SDK1: variants seen among roughly 807,000 people sequenced by gnomAD.
SDK1 encodes the protein protein sidekick-1.
In SDK1, 157 loss-of-function variants were observed where a neutral mutation model predicts 245.5. That is an observed-to-expected ratio of 0.64 (90% CI 0.56 to 0.73). The LOEUF (loss-of-function observed/expected upper bound fraction) is 0.73. Ranked by LOEUF, SDK1 falls within the 30% of genes least tolerant of loss-of-function variation. The pLI is 0.00. For synonymous variants in SDK1, 1,647 were observed against 1,278.5 expected, an observed-to-expected ratio of 1.29 and a Z score of -6.15; for missense variants, 3,583 against 3,002.3, an observed-to-expected ratio of 1.19 and a Z score of -4.52.
intron 4 of SDK1, among the ~76,000 whole-genome samples, chr7:3,790,819 A>C (rs1781058691): frequency 6.6e-6 from 1 of 152,028 alleles, no homozygotes; most frequent in African/African-American, 2.4e-5. Flanking sequence ...CACAAAACCA[A>C]GTCTGGTAGT....
At chr7:3,791,354 G>A (rs546457574) in intron 4 of SDK1, among the ~76,000 whole-genome samples, 1 of 152,094 alleles carries the variant, frequency 6.6e-6, no homozygotes, top group East Asian at 1.9e-4. Context: ...TTTAGGTATC[G>A]GGGCTCCGTA....
At chr7:3,519,208 A>G (rs1782848669) in intron 1 of SDK1, among the ~76,000 whole-genome samples, 1 of 152,156 alleles carries the variant, frequency 6.6e-6, no homozygotes, top group Admixed American at 6.6e-5. Flanking sequence ...AGGAAGAATC[A>G]GTTCAAGTCT....
At chr7:3,805,851 A>G (rs78664421) in intron 4 of SDK1, among the ~76,000 whole-genome samples, 2,875 of 152,260 alleles carry the variant, frequency 0.019, 96 homozygotes, top group African/African-American at 0.065. Flanking sequence ...AAATTAATGG[A>G]GAACCAAAAC....
intron 1 of SDK1, among the ~76,000 whole-genome samples, chr7:3,607,560 G>C (rs528667661): frequency 6.6e-6 from 1 of 152,288 alleles, no homozygotes; most frequent in South Asian, 2.1e-4. Flanking sequence ...TTGAATGACA[G>C]AGCAAATAAT....
chr7:3,590,631 T>C (rs1780837457), intron 1 of SDK1, among the ~76,000 whole-genome samples: 1 of 152,170 alleles, frequency 6.6e-6, no homozygotes, highest in African/African-American at 2.4e-5. Flanking sequence ...TTCAAATAAC[T>C]GTATGTGGTA....
chr7:3,808,660 C>A (rs1436501961), intron 4 of SDK1, among the ~76,000 whole-genome samples: 1 of 152,258 alleles, frequency 6.6e-6, no homozygotes, highest in Admixed American at 6.5e-5. Context: ...AAATCAGTTT[C>A]CACCTGATGG....
chr7:3,316,654 G>C (rs6959702), intron 1 of SDK1, among the ~76,000 whole-genome samples: 94,459 of 152,072 alleles, frequency 0.62, 30,613 homozygotes, highest in African/African-American at 0.83. Flanking sequence ...TGCCCTAGTA[G>C]ATGTACACAG....
intron 30 of SDK1, among the ~76,000 whole-genome samples, chr7:4,149,743 G>T (rs576059682): frequency 3.3e-5 from 5 of 152,256 alleles, no homozygotes; most frequent in African/African-American, 1.2e-4. Context: ...CGAGGCAGGG[G>T]TGATGGGGGG....
rs140936563 is a variant in SDK1 at position 4,192,566 on chromosome 7, T to C, written c.5099-13313T>C. ...CTGGGATTACAGGTGTGAGCCACCG[T>C]GCCCAGCCAGTAAAGTATATTCTAA... On this transcript the variant is annotated intron_variant, in intron 35 of 44. Coordinates refer to ENST00000404826, the MANE Select transcript of SDK1 (RefSeq NM_152744.4). Among the ~76,000 whole-genome samples the C allele has an allele frequency of 9.7e-3, 1,484 of 152,322 alleles. 25 individuals are homozygous for C. The highest frequency in any genetic ancestry group is 0.034 in the African/African-American group (1,403 of 41,572).
At chr7:3,881,583 T>C (rs1781210896) in intron 5 of SDK1, among the ~76,000 whole-genome samples, 2 of 152,208 alleles carry the variant, frequency 1.3e-5, no homozygotes, top group African/African-American at 4.8e-5. Context: ...CGTGCATACA[T>C]CTTTATAACA....
At position 3,782,561 on chromosome 7, in the gene SDK1, G is replaced by A. The variant is rs188410637; in HGVS notation, c.714-38889G>A. On this transcript the variant is annotated intron_variant, in intron 4 of 44. Transcript: ENST00000404826. ...ATCAAAGACAAAAATTCCGAGAGCA[G>A]CAAGAGATAAGAAACACTTCGTATA... 1.4e-3 allele frequency among the ~76,000 whole-genome samples: 212 copies of A among 152,294 alleles called. 4 individuals are homozygous for A. In the South Asian group the frequency reaches 0.021, roughly 15 times the overall value.
At chr7:4,122,704 GAAA>G (rs1022126865) in intron 25 of SDK1, among the ~76,000 whole-genome samples, 2 of 151,906 alleles carry the variant, frequency 1.3e-5, no homozygotes, top group African/African-American at 4.8e-5. Context: ...AGAGGGGAGA[GAAA>G]AAAATGAAGG....
intron 29 of SDK1, 62 bp downstream of exon 29, chr7:4,145,978 C>A (rs1187895359): frequency 2.8e-6 from 4 of 1,433,450 alleles, no homozygotes; most frequent in Non-Finnish European, 3.8e-6. Flanking sequence ...CTCAATCAGG[C>A]CCTCTGGGGT....
At chr7:4,100,025 GC>G (rs1248504242) in intron 22 of SDK1, among the ~76,000 whole-genome samples, 1 of 152,194 alleles carries the variant, frequency 6.6e-6, no homozygotes, top group African/African-American at 2.4e-5. Flanking sequence ...GCCCAGCCAG[GC>G]CTCATGCCCC....
At chr7:4,259,012 CA>C (rs1377543544) in intron 44 of SDK1, among the ~76,000 whole-genome samples, 1 of 152,158 alleles carries the variant, frequency 6.6e-6, no homozygotes, top group Non-Finnish European at 1.5e-5. Flanking sequence ...GTAACAAACC[CA>C]ATTCAGGGGC....
At chr7:3,470,763 T>A (rs1013130225) in intron 1 of SDK1, among the ~76,000 whole-genome samples, 1 of 152,202 alleles carries the variant, frequency 6.6e-6, no homozygotes. Context: ...CCCAGGCTTT[T>A]TATGAAATTT....
rs776277920 is a variant in SDK1, at chr7:3,410,578, C to CTTTTTTTTTTTT, written c.298+108708_298+108719dup. ...TCATAAGTGGCAGGTGAAATGATAT[C>CTTTTTTTTTTTT]TTTTTTTTTTTTTTTTTTTTTTTTT... On this transcript the variant is annotated intron_variant, in intron 1 of 44. Coordinates refer to ENST00000404826, the MANE Select transcript of SDK1 (RefSeq NM_152744.4). 1.4e-3 allele frequency among the ~76,000 whole-genome samples: 113 copies of CTTTTTTTTTTTT among 82,066 alleles called. 2 individuals are homozygous for CTTTTTTTTTTTT. Among genetic ancestry groups the CTTTTTTTTTTTT allele is most frequent in the African/African-American group, 5.7e-3 (108 of 18,968 alleles). The allele number at this position is 82,066 out of a possible 152,430, so 53.8% of individuals were successfully genotyped here.
intron 28 of SDK1, among the ~76,000 whole-genome samples, chr7:4,142,138 A>G (rs1287716738): frequency 2.6e-5 from 4 of 152,164 alleles, no homozygotes; most frequent in Non-Finnish European, 5.9e-5. Context: ...CCACCTCGAC[A>G]GTGTGGAGGG....
chr7:3,731,899 A>T (rs767175799), intron 4 of SDK1, among the ~76,000 whole-genome samples: 2 of 152,000 alleles, frequency 1.3e-5, no homozygotes, highest in African/African-American at 2.4e-5. Flanking sequence ...TCAAGCGATT[A>T]TCCTGCCTCA....
Sources: gnomAD v4.1 joint callset for allele counts (sites outside exome capture counted in the v4.1 genomes callset) on GRCh38, gnomAD v4.1.1 for gene constraint, MANE v1.5 for transcripts, NCBI Gene and HGNC (gene_info 2026-07-23, HGNC 2026-07-21) for gene names.